CLTCL1: variants seen among roughly 807,000 people sequenced by gnomAD.
The protein encoded by CLTCL1 is clathrin heavy chain 2.
In CLTCL1, 159 loss-of-function variants were observed where a neutral mutation model predicts 190.0. The observed-to-expected ratio is 0.84, with a 90% CI of 0.74 to 0.95. The LOEUF (loss-of-function observed/expected upper bound fraction) is 0.95. Ranked by LOEUF, CLTCL1 falls within the 40% of genes least tolerant of loss-of-function variation. The probability of loss-of-function intolerance (pLI) is 0.00; values close to 1 mark genes in which losing one functional copy is unlikely to be tolerated. For synonymous variants in CLTCL1, 752 were observed against 769.6 expected, an observed-to-expected ratio of 0.98 and a Z score of 0.38; for missense variants, 1,878 against 2,033.4, an observed-to-expected ratio of 0.92 and a Z score of 1.47.
In CLTCL1 at chr22:19,183,587, ACT is replaced by A; in HGVS notation, c.4628_4629del (p.Glu1543ValfsTer5). ...LYKDAMQHAAESRDAELAQKL... is the reference protein window; with the variant it reads ...LYKDAMQHAAXSRDAELAQKL... ...TTCTGGGCCAGCTCAGCATCCCGCG[ACT>A]CTGCAGCATGCTGCATGGCATCCTG... On this transcript the variant is annotated frameshift_variant, in exon 30 of 33. Coordinates refer to ENST00000427926, the MANE Select transcript of CLTCL1 (RefSeq NM_007098.4). LOFTEE classifies it high-confidence loss of function. 6.2e-7 allele frequency: 1 copy of A among 1,613,368 alleles called. No homozygotes were observed. The highest frequency in any genetic ancestry group is 8.5e-7 in the Non-Finnish European group (1 of 1,179,810).
chr22:19,233,710 G>A, intron 7 of CLTCL1, 88 bp from the exon 8 acceptor site: 3 of 1,240,156 alleles, frequency 2.4e-6, no homozygotes, highest in Admixed American at 4.4e-5. Context: ...ACAAAAATCT[G>A]CCAGTGGAAA....
chr22:19,252,746 G>A (rs1348648939), intron 3 of CLTCL1, among the ~76,000 whole-genome samples: 2 of 152,216 alleles, frequency 1.3e-5, no homozygotes, highest in Non-Finnish European at 2.9e-5. Flanking sequence ...CGGGCGCGGT[G>A]GCTCACGCCT....
At position 19,198,922 on chromosome 22, in the gene CLTCL1, A is replaced by G. The variant is rs2084793169; in HGVS notation, c.3873+812T>C. On this transcript the variant is annotated intron_variant, in intron 24 of 32. Transcript: ENST00000427926. The surrounding 1 kb of genome is among the most constrained non-coding windows in gnomAD (Gnocchi z 4.1). ...TCTTTTGTCAGCCCTGTACTGCTTGATCACCCTCCCTGTTGGCTTTCCAGT... is the reference window on the plus strand; with the variant it reads ...TCTTTTGTCAGCCCTGTACTGCTTGGTCACCCTCCCTGTTGGCTTTCCAGT... Among the ~76,000 whole-genome samples, 1 of 152,040 alleles carries G rather than the reference A, an allele frequency of 6.6e-6. No individual in the cohort carries two copies.
chr22:19,180,779 G>T lies in CLTCL1; in HGVS notation c.4855C>A (p.Leu1619Met). ...GTCACATGCTCCTCTTGCTTGCGCA[G>T]ACTCTCCAAGGCATCCAGTTTGTCC... ...KVDKLDALES[L>M]RKQEEHVTEP... Residue 1619 changes from leucine to methionine, a missense_variant, in exon 31 of 33, where the codon CTG becomes ATG. Coordinates refer to ENST00000427926, the MANE Select transcript of CLTCL1 (RefSeq NM_007098.4). 6.2e-7 allele frequency: 1 copy of T among 1,613,860 alleles called. No individual in the cohort carries two copies. The highest frequency in any genetic ancestry group is 8.5e-7 in the Non-Finnish European group (1 of 1,179,828).
intron 30 of CLTCL1, chr22:19,181,608 C>T (rs1015489712): frequency 6.6e-5 from 10 of 152,344 alleles, no homozygotes; most frequent in Non-Finnish European, 1.2e-4. Flanking sequence ...AGGGATGGCC[C>T]TCAAGCTTCC....
intron 30 of CLTCL1, 127 bp from the exon 31 acceptor site, chr22:19,180,933 G>A: frequency 1.3e-6 from 1 of 790,476 alleles, no homozygotes; most frequent in Non-Finnish European, 2.2e-6. Flanking sequence ...GTGCACATGG[G>A]CAGATGTGGA....
chr22:19,230,716 C>T (rs1303496417), intron 10 of CLTCL1, among the ~76,000 whole-genome samples: 2 of 152,180 alleles, frequency 1.3e-5, no homozygotes, highest in East Asian at 3.8e-4. Flanking sequence ...TCATACATTA[C>T]TTAATCACAT....
intron 2 of CLTCL1, among the ~76,000 whole-genome samples, chr22:19,269,732 G>A (rs957091884): frequency 1.3e-5 from 2 of 152,100 alleles, no homozygotes; most frequent in Non-Finnish European, 2.9e-5. Context: ...AGTTGAACAA[G>A]TGAACACATG....
chr22:19,225,855 C>T (rs1555955665), intron 12 of CLTCL1, among the ~76,000 whole-genome samples: 1 of 152,220 alleles, frequency 6.6e-6, no homozygotes, highest in East Asian at 1.9e-4. Flanking sequence ...GAATATTCCA[C>T]AGATGATGCT....
At chr22:19,219,632 T>C (rs1420208120) in intron 18 of CLTCL1, among the ~76,000 whole-genome samples, 1 of 151,832 alleles carries the variant, frequency 6.6e-6, no homozygotes, top group Non-Finnish European at 1.5e-5. Flanking sequence ...TACAGGCGTG[T>C]GCCACCATGT....
chr22:19,213,201 GT>G (rs2085287210), intron 19 of CLTCL1, among the ~76,000 whole-genome samples: 1 of 152,146 alleles, frequency 6.6e-6, no homozygotes, highest in African/African-American at 2.4e-5. Flanking sequence ...TCTACGGATG[GT>G]AACTGAGCAC....
intron 14 of CLTCL1, among the ~76,000 whole-genome samples, chr22:19,223,273 C>T (rs1458408904): frequency 6.6e-6 from 1 of 152,118 alleles, no homozygotes; most frequent in Non-Finnish European, 1.5e-5. Context: ...GGTCCCGTGC[C>T]TAGATCACAT....
intron 2 of CLTCL1, among the ~76,000 whole-genome samples, chr22:19,268,782 C>T (rs906647160): frequency 6.6e-6 from 1 of 152,118 alleles, no homozygotes; most frequent in African/African-American, 2.4e-5. Flanking sequence ...CTTTGGAAAA[C>T]AGTTGGGCAG....
intron 2 of CLTCL1, among the ~76,000 whole-genome samples, chr22:19,268,496 T>C (rs2087195425): frequency 6.6e-6 from 1 of 152,044 alleles, no homozygotes; most frequent in East Asian, 1.9e-4. Flanking sequence ...ACTCTTATAA[T>C]TCAATAATAA....
In CLTCL1 at chr22:19,228,634, G is replaced by A. The variant is rs376051446; in HGVS notation, c.1782+1204C>T. Among the ~76,000 whole-genome samples, 26 of 152,220 alleles carry A rather than the reference G, an allele frequency of 1.7e-4. No homozygotes were observed. The East Asian group carries it at 3.7e-3, about 21-fold the overall frequency. On this transcript the variant is annotated intron_variant, in intron 11 of 32. Coordinates refer to ENST00000427926, the MANE Select transcript of CLTCL1 (RefSeq NM_007098.4). ...AACAGAACAATATACTTAATATGTT[G>A]TTTCCTAATTATAAAAACAGTAAGT...
intron 4 of CLTCL1, among the ~76,000 whole-genome samples, chr22:19,240,768 C>A (rs1039520036): frequency 2.0e-5 from 3 of 152,092 alleles, no homozygotes; most frequent in African/African-American, 7.2e-5. Flanking sequence ...CAGACAGTGA[C>A]GAGAGAATAG....
chr22:19,184,732 CTG>C, intron 29 of CLTCL1: 1 of 355,316 alleles, frequency 2.8e-6, no homozygotes, highest in Non-Finnish European at 5.6e-6. Context: ...GCCTTGGGGA[CTG>C]TCTCACTGCC....
At chr22:19,289,629 T>C (rs2088035773) in intron 1 of CLTCL1, among the ~76,000 whole-genome samples, 1 of 151,864 alleles carries the variant, frequency 6.6e-6, no homozygotes, top group South Asian at 2.1e-4. Context: ...GAGGTGAGCA[T>C]TGCCCAACAC....
chr22:19,212,284 G>T (rs886654594), intron 19 of CLTCL1, among the ~76,000 whole-genome samples: 4 of 151,676 alleles, frequency 2.6e-5, no homozygotes, highest in African/African-American at 9.7e-5. Context: ...TTGAGCCCAG[G>T]TATAGTGGCT....
Sources: allele counts gnomAD v4.1 joint callset (sites outside exome capture counted in the v4.1 genomes callset), GRCh38; gene constraint gnomAD v4.1.1; non-coding constraint Gnocchi (gnomAD v3.1); transcripts MANE v1.5; gene names NCBI Gene and HGNC (gene_info 2026-07-23, HGNC 2026-07-21).